The following TACC2 variants were observed in gnomAD, a reference collection of about 807,000 sequenced individuals.
TACC2 encodes the protein transforming acidic coiled-coil containing protein 2.
A neutral mutation model predicts 227.3 loss-of-function variants in TACC2; 137 were observed. That is an observed-to-expected ratio of 0.60 (90% CI 0.52 to 0.69). The LOEUF (loss-of-function observed/expected upper bound fraction) is 0.69, where lower values mean the gene tolerates loss of function less well. TACC2 is among the 30% of genes least tolerant of loss of function. The pLI is 0.00. For missense variants in TACC2, 3,470 were observed against 3,694.4 expected, an observed-to-expected ratio of 0.94 and a Z score of 1.57; for synonymous variants, 1,523 against 1,487.5, an observed-to-expected ratio of 1.02 and a Z score of -0.55.
intron 5 of TACC2, among the ~76,000 whole-genome samples, chr10:122,090,417 G>A (rs181498843): frequency 0.079 from 11,942 of 151,106 alleles, 682 homozygotes; most frequent in Non-Finnish European, 0.12. Flanking sequence ...TGTGGTGGCG[G>A]GCGCCTGTAG....
At chr10:122,113,126 G>C (rs958500093) in intron 5 of TACC2, 1 of 152,338 alleles carries the variant, frequency 6.6e-6, no homozygotes, top group African/African-American at 2.4e-5. Flanking sequence ...GACCCCACGC[G>C]CCGCGCCGCC....
intron 8 of TACC2, among the ~76,000 whole-genome samples, chr10:122,206,677 C>T: frequency 6.6e-6 from 1 of 152,192 alleles, no homozygotes; most frequent in East Asian, 1.9e-4. Flanking sequence ...ACTGGGATAC[C>T]CTAGTGACCC....
intron 2 of TACC2, among the ~76,000 whole-genome samples, chr10:122,045,446 C>G (rs1458962911): frequency 6.6e-6 from 1 of 152,212 alleles, no homozygotes; most frequent in Non-Finnish European, 1.5e-5. Context: ...GGCTTAACCT[C>G]TCTGTGCCCA....
intron 8 of TACC2, among the ~76,000 whole-genome samples, chr10:122,203,054 T>C (rs1313128845): frequency 6.6e-6 from 1 of 152,080 alleles, no homozygotes; most frequent in Non-Finnish European, 1.5e-5. Context: ...CTCCCATGTC[T>C]ACCTCTTTCT....
intron 3 of TACC2, among the ~76,000 whole-genome samples, chr10:122,072,770 T>A (rs1044521988): frequency 2.0e-5 from 3 of 152,148 alleles, no homozygotes; most frequent in African/African-American, 7.2e-5. Flanking sequence ...TATGCCATCA[T>A]TCAGTCACTC....
Position 122,249,594 on chromosome 10 carries a change from C to G in TACC2, c.8711C>G (p.Ala2904Gly), listed in dbSNP as rs763517853. 2 of 1,614,104 alleles carry G rather than the reference C, an allele frequency of 1.2e-6. No homozygotes were observed. The highest frequency in any genetic ancestry group is 1.7e-6 in the Non-Finnish European group (2 of 1,180,010). ...CGAGGCAAGGCCCAGCAGGAGCAAG[C>G]CGCCCACCAGGCCAGCCTGCGGAAG... ...QVRGKAQQEQ[A>G]AHQASLRKEQ... The change falls in exon 22 of 23, where the codon GCC becomes GGC. Residue 2904 changes from alanine (A) to glycine (G), a missense_variant. Around this residue, in one of 10 missense-constraint regions of TACC2, gnomAD observed 89 missense variants for 91.4 expected, o/e 0.97. Transcript: ENST00000369005.
intron 2 of TACC2, among the ~76,000 whole-genome samples, chr10:122,048,111 A>C (rs907521759): frequency 1.3e-5 from 2 of 152,224 alleles, no homozygotes; most frequent in African/African-American, 4.8e-5. Flanking sequence ...CCCCAGGTGC[A>C]GACTAGGCAG....
rs115199565 is a variant in TACC2 at position 122,242,896 on chromosome 10, T to A, written c.8392+895T>A. Among the ~76,000 whole-genome samples, 1,049 of 152,280 alleles carry A rather than the reference T, an allele frequency of 6.9e-3. 17 individuals carry two copies. Among genetic ancestry groups the A allele is most frequent in the African/African-American group, 0.024 (1,004 of 41,562 alleles). ...CGATCCTCCTGCCTTGGTTGCCCAA[T>A]GTCCTGGGATTACAAGGCGTGAGCT... On this transcript the variant is annotated intron_variant, in intron 19 of 22. Transcript: ENST00000369005.
chr10:122,215,151 T>C (rs2095373944), intron 9 of TACC2, among the ~76,000 whole-genome samples: 1 of 152,214 alleles, frequency 6.6e-6, no homozygotes, highest in African/African-American at 2.4e-5. Flanking sequence ...TTCTCCAAAA[T>C]GGCATCTCTT....
At chr10:122,107,885 T>TTG (rs2083048327) in intron 5 of TACC2, among the ~76,000 whole-genome samples, 1 of 46,240 alleles carries the variant, frequency 2.2e-5, no homozygotes, top group African/African-American at 4.5e-5. Flanking sequence ...TATATATTTT[T>TTG]TTTTTCTTTT....
intron 7 of TACC2, among the ~76,000 whole-genome samples, chr10:122,155,536 C>A (rs1186063359): frequency 6.6e-6 from 1 of 152,152 alleles, no homozygotes; most frequent in Admixed American, 6.5e-5. Flanking sequence ...TGTTTTTGAT[C>A]CTAGACAGAT....
chr10:122,254,209 G>A lies in TACC2; in HGVS notation c.*153G>A, dbSNP rs1408793518. ...AATAAAATTGATTTGATTGTATGCA[G>A]TACTAAGGAGACTATCAGAATTTCT... On this transcript the variant is annotated 3_prime_UTR_variant, in exon 23 of 23. Coordinates refer to ENST00000369005, the MANE Select transcript of TACC2 (RefSeq NM_206862.4). 2 of 720,654 alleles carry A rather than the reference G, an allele frequency of 2.8e-6. No homozygotes were observed. Among genetic ancestry groups the A allele is most frequent in the Admixed American group, 2.0e-5 (1 of 49,154 alleles). The allele number at this position is 720,654 out of a possible 1,614,324, so 44.6% of individuals were successfully genotyped here.
chr10:122,080,562 C>A (rs2079359306), intron 3 of TACC2, among the ~76,000 whole-genome samples: 1 of 152,104 alleles, frequency 6.6e-6, no homozygotes, highest in African/African-American at 2.4e-5. Context: ...AACACCAGTC[C>A]TATCAGATTA....
intron 3 of TACC2, among the ~76,000 whole-genome samples, chr10:122,066,803 CCTTTTTTGCCTT>C (rs2077438437): frequency 6.6e-6 from 1 of 152,182 alleles, no homozygotes; most frequent in South Asian, 2.1e-4. Flanking sequence ...CATTTTTCCT[CCTTTTTTGCCTT>C]CTTTTGGATT....
intron 3 of TACC2, among the ~76,000 whole-genome samples, chr10:122,075,964 G>T (rs1026884844): frequency 2.6e-5 from 4 of 151,892 alleles, no homozygotes; most frequent in African/African-American, 2.4e-5. Context: ...CACAATTTTT[G>T]TATTTTTTTA....
Position 122,086,934 on chromosome 10 carries a change from G to C in TACC2, c.4434G>C (p.Leu1478Phe). The change falls in exon 4 of 23, where the codon TTG becomes TTC. Residue 1478 changes from leucine (L) to phenylalanine (F), a missense_variant. This residue lies in a region of TACC2 where 1,924 missense variants were observed against 1,978.3 expected (regional missense o/e 0.97). Coordinates refer to ENST00000369005, the MANE Select transcript of TACC2 (RefSeq NM_206862.4). Reference protein sequence around the residue: ...ARLQVEKKQQLAGEAEISHLA... With the variant: ...ARLQVEKKQQFAGEAEISHLA... ...TCCAGGTGGAGAAGAAGCAACAGTTGGCTGGAGAGGCTGAGATTTCCCATC... is the reference window on the plus strand; with the variant it reads ...TCCAGGTGGAGAAGAAGCAACAGTTCGCTGGAGAGGCTGAGATTTCCCATC... 6.2e-7 allele frequency: 1 copy of C among 1,613,952 alleles called. No individual in the cohort carries two copies.
rs759984367 is a variant in TACC2 at position 122,238,045 on chromosome 10, G to A, written c.8348+8G>A. The A allele has an allele frequency of 1.5e-5, 24 of 1,613,248 alleles. No individual in the cohort carries two copies. Among genetic ancestry groups the A allele is most frequent in the Admixed American group, 3.3e-5 (2 of 60,000 alleles). On this transcript the variant is annotated splice_region_variant and intron_variant, in intron 18 of 22. Transcript: ENST00000369005. Reference sequence around the variant, plus strand: ...GGAAGTGATGGAAATGAGGTCAGTTGGGGAGCTGGGCCTTCCTCGTGCCTG... The same window carrying A: ...GGAAGTGATGGAAATGAGGTCAGTTAGGGAGCTGGGCCTTCCTCGTGCCTG...
rs148581136 is a variant in TACC2 at position 121,991,979 on chromosome 10, C to T, written c.-46+2491C>T. ...CTCCCCTTATAAAATCATCAGATTTCGTGAGACTTATTCACTATCATGAGA... is the reference window on the plus strand; with the variant it reads ...CTCCCCTTATAAAATCATCAGATTTTGTGAGACTTATTCACTATCATGAGA... On this transcript the variant is annotated intron_variant, in intron 1 of 22. Transcript: ENST00000369005. Among the ~76,000 whole-genome samples, 643 of 152,276 alleles carry T rather than the reference C, an allele frequency of 4.2e-3. 7 individuals are homozygous for T. Among genetic ancestry groups the T allele is most frequent in the African/African-American group, 0.013 (526 of 41,556 alleles).
intron 7 of TACC2, chr10:122,163,572 A>T (rs1333665010): frequency 2.0e-6 from 2 of 996,960 alleles, no homozygotes; most frequent in African/African-American, 3.5e-5. Flanking sequence ...TCATCGTGTC[A>T]CACACAGGAG....
Sources: allele counts gnomAD v4.1 joint callset (sites outside exome capture counted in the v4.1 genomes callset), GRCh38; gene constraint gnomAD v4.1.1; regional missense constraint gnomAD v4.1.1; transcripts MANE v1.5; gene names NCBI Gene and HGNC (gene_info 2026-07-23, HGNC 2026-07-21).